PDE8B: variants seen among roughly 807,000 people sequenced by gnomAD.
The protein encoded by PDE8B is phosphodiesterase 8B, also known as high affinity cAMP-specific and IBMX-insensitive 3',5'-cyclic phosphodiesterase 8B.
A neutral mutation model predicts 101.3 loss-of-function variants in PDE8B; 26 were observed. That is an observed-to-expected ratio of 0.26 (90% confidence interval 0.19 to 0.36). The LOEUF (loss-of-function observed/expected upper bound fraction) is 0.36. PDE8B is among the 10% of genes least tolerant of loss of function. The pLI is 1.00. For missense variants in PDE8B, 810 were observed against 1,163.1 expected (o/e 0.70, Z 4.42); for synonymous variants, 424 against 429.3 (o/e 0.99, Z 0.15).
chr5:77,328,220 G>T (rs975134747), intron 3 of PDE8B, among the ~76,000 whole-genome samples: 2 of 152,152 alleles, frequency 1.3e-5, no homozygotes, highest in Admixed American at 6.5e-5. Flanking sequence ...TTAAAAGTTT[G>T]TCCAATTTAC....
At position 77,294,796 on chromosome 5, in the gene PDE8B, G is replaced by A. The variant is rs146324884; in HGVS notation, c.340-17198G>A. Among the ~76,000 whole-genome samples the A allele has an allele frequency of 1.0e-3, 153 of 149,628 alleles. 1 individual carries two copies. The highest frequency in any genetic ancestry group is 3.5e-3 in the African/African-American group (145 of 41,102). On this transcript the variant is annotated intron_variant, in intron 1 of 21. Transcript: ENST00000264917. Reference sequence around the variant, plus strand: ...AAGAAGACAAGAAACTATTTGAGAAGTGATAGAATGCAAGACAGGCAAAGG... The same window carrying A: ...AAGAAGACAAGAAACTATTTGAGAAATGATAGAATGCAAGACAGGCAAAGG...
At chr5:77,395,156 A>G (rs377636005) in intron 10 of PDE8B, among the ~76,000 whole-genome samples, 12 of 151,476 alleles carry the variant, frequency 7.9e-5, no homozygotes, top group Admixed American at 4.6e-4. Flanking sequence ...TCACTCTGTC[A>G]CCCAGGCTGG....
chr5:77,210,589 G>A (rs1283029011), upstream of PDE8B: 15 of 976,076 alleles, frequency 1.5e-5, no homozygotes, highest in East Asian at 1.2e-4. This position sits in a 1 kb window ranked among gnomAD's most constrained non-coding sequence, Gnocchi z 4.9. Context: ...CGGGGGCCGC[G>A]CCGAGGGAGG....
At chr5:77,282,349 G>A (rs1765175852) in intron 1 of PDE8B, among the ~76,000 whole-genome samples, 1 of 152,034 alleles carries the variant, frequency 6.6e-6, no homozygotes. Context: ...AACCCAAGCA[G>A]AGGACTGTGT....
intron 1 of PDE8B, among the ~76,000 whole-genome samples, chr5:77,271,924 C>T (rs1375585681): frequency 6.6e-6 from 1 of 152,216 alleles, no homozygotes; most frequent in African/African-American, 2.4e-5. Flanking sequence ...AGAATCTGCT[C>T]TACCAGAGTC....
the PDE8B span, chr5:77,119,656 CAA>C: frequency 1.7e-4 from 10 of 60,248 alleles, no homozygotes; most frequent in African/African-American, 2.4e-4. Context: ...GACTCTGTCT[CAA>C]AAAAAAAAAA....
chr5:77,171,125 T>G, the PDE8B span, among the ~76,000 whole-genome samples: 8,810 of 152,226 alleles, frequency 0.058, 269 homozygotes, highest in African/African-American at 0.082. Flanking sequence ...GGAGAAAGCT[T>G]GATCATTTAC....
rs1488620412 is a variant in PDE8B at position 77,425,806 on chromosome 5, C to G, written c.2458C>G (p.Pro820Ala). The change falls in exon 21 of 22, where the codon CCA becomes GCA. Residue 820 changes from proline to alanine, a missense_variant. Physicochemically the swap from Pro to Ala is conservative, Grantham distance 27 (BLOSUM62 -1). Coordinates refer to ENST00000264917, the MANE Select transcript of PDE8B (RefSeq NM_003719.5). ...EKRQGLPVVM[P>A]VFDRNTCSIP... ...GAGACAGGGACTACCTGTGGTGATG[C>G]CAGTGTTTGACCGGAATACCTGTAG... 6.2e-7 allele frequency: 1 copy of G among 1,612,862 alleles called. No individual in the cohort carries two copies. Among genetic ancestry groups the G allele is most frequent in the Non-Finnish European group, 8.5e-7 (1 of 1,179,012 alleles).
At position 77,211,386 on chromosome 5, in the gene PDE8B, C is replaced by A; in HGVS notation, c.339+122C>A. 1.2e-6 allele frequency: 1 copy of A among 862,706 alleles called. No homozygotes were observed. The highest frequency in any genetic ancestry group is 1.7e-6 in the Non-Finnish European group (1 of 582,292). The allele number at this position is 862,706 out of a possible 1,614,324, so 53.4% of individuals were successfully genotyped here. On this transcript the variant is annotated intron_variant, in intron 1 of 21. Transcript: ENST00000264917. This position sits in a 1 kb window ranked among gnomAD's most constrained non-coding sequence, Gnocchi z 4.1. ...GGCGGTTGGTTTGGAGAGGTTGTCA[C>A]TAAGGAGGAGTTTACTTTTCATTTG...
chr5:77,160,942 C>A, the PDE8B span, among the ~76,000 whole-genome samples: 646 of 152,320 alleles, frequency 4.2e-3, 7 homozygotes, highest in African/African-American at 0.014. Flanking sequence ...CATGAGCCAC[C>A]ATGCCTGGCC....
chr5:77,202,467 A>G, the PDE8B span, among the ~76,000 whole-genome samples: 8 of 152,170 alleles, frequency 5.3e-5, no homozygotes, highest in Non-Finnish European at 1.0e-4. Context: ...TCACTTAATG[A>G]ATAGTAAATA....
intron 1 of PDE8B, among the ~76,000 whole-genome samples, chr5:77,246,178 A>G (rs1271045534): frequency 7.9e-5 from 12 of 151,624 alleles, no homozygotes; most frequent in African/African-American, 2.7e-4. Context: ...TTCCTCCTCA[A>G]TTGGTCATAA....
Position 77,419,840 on chromosome 5 carries a change from C to CT in PDE8B, c.2203_2204insT (p.His735LeufsTer4). The CT allele has an allele frequency of 6.2e-7, 1 of 1,614,076 alleles. No individual in the cohort carries two copies. Among genetic ancestry groups the CT allele is most frequent in the South Asian group, 1.1e-5 (1 of 91,090 alleles). On this transcript the variant is annotated frameshift_variant, in exon 19 of 22. Transcript: ENST00000264917. LOFTEE classifies it high-confidence loss of function. ...AACAGAGATGACAAAACACTTTGAA[C>CT]ATGTGAATAAGTTTGTGAACAGCAT... is the stretch of plus-strand genomic sequence containing the variant.
At chr5:77,408,379 TTTG>T (rs1245849288) in intron 13 of PDE8B, among the ~76,000 whole-genome samples, 4 of 152,064 alleles carry the variant, frequency 2.6e-5, no homozygotes, top group African/African-American at 4.8e-5. Flanking sequence ...CTTTGATTTT[TTTG>T]TTGTGTGTGT....
the PDE8B span, among the ~76,000 whole-genome samples, chr5:77,088,954 C>A: frequency 6.6e-6 from 1 of 152,126 alleles, no homozygotes; most frequent in African/African-American, 2.4e-5. Flanking sequence ...TGAATAATAT[C>A]CTTAAAAGAA....
the PDE8B span, among the ~76,000 whole-genome samples, chr5:77,130,401 A>T: frequency 2.0e-5 from 3 of 152,172 alleles, no homozygotes; most frequent in Non-Finnish European, 4.4e-5. Flanking sequence ...GATAAATGCC[A>T]GGTAACATCT....
At chr5:77,116,485 G>A in the PDE8B span, among the ~76,000 whole-genome samples, 8 of 151,966 alleles carry the variant, frequency 5.3e-5, no homozygotes, top group South Asian at 2.1e-4. Context: ...CAAGTGATGC[G>A]CCCGCCTTGA....
chr5:77,379,593 G>A (rs7715119), intron 10 of PDE8B, among the ~76,000 whole-genome samples: 21,347 of 152,056 alleles, frequency 0.14, 1,675 homozygotes, highest in African/African-American at 0.2. Context: ...AAAACAAATG[G>A]CAACAGCTTG....
chr5:77,277,953 G>A (rs1307638694), intron 1 of PDE8B, among the ~76,000 whole-genome samples: 5 of 152,194 alleles, frequency 3.3e-5, no homozygotes, highest in African/African-American at 1.2e-4. Context: ...ATCTTTCACA[G>A]AGTCAGAGCC....
Sources: gnomAD v4.1 joint callset for allele counts (sites outside exome capture counted in the v4.1 genomes callset) on GRCh38, gnomAD v4.1.1 for gene constraint, Gnocchi (gnomAD v3.1) non-coding constraint, MANE v1.5 for transcripts, NCBI Gene and HGNC (gene_info 2026-07-23, HGNC 2026-07-21) for gene names.